IFT122: variants seen among roughly 807,000 people sequenced by gnomAD.
IFT122 encodes the protein intraflagellar transport protein 122 homolog.
A neutral mutation model predicts 161.6 loss-of-function variants in IFT122; 118 were observed. That is an observed-to-expected ratio of 0.73 (90% CI 0.63 to 0.85). The LOEUF is 0.85. Among genes scored for constraint, IFT122 ranks in the 40% least tolerant of loss-of-function variants. IFT122 has a pLI of 0.00. For synonymous variants in IFT122, 550 were observed against 602.4 expected, an observed-to-expected ratio of 0.91 and a Z score of 1.27; for missense variants, 1,381 against 1,579.6, an observed-to-expected ratio of 0.87 and a Z score of 2.13.
At chr3:129,510,059 G>C (rs1033931663) in intron 23 of IFT122, among the ~76,000 whole-genome samples, 1 of 152,142 alleles carries the variant, frequency 6.6e-6, no homozygotes, top group African/African-American at 2.4e-5. Context: ...CTCCAGCTGG[G>C]CATCTAGCAT....
intron 1 of IFT122, among the ~76,000 whole-genome samples, chr3:129,447,080 T>C (rs773056789): frequency 1.3e-5 from 2 of 152,216 alleles, no homozygotes; most frequent in Non-Finnish European, 2.9e-5. Flanking sequence ...ATCTTGCACA[T>C]AGCCAGATGT....
At chr3:129,477,851 G>A (rs1421703301) in intron 11 of IFT122, among the ~76,000 whole-genome samples, 165 bp from the exon 12 acceptor site, 2 of 152,202 alleles carry the variant, frequency 1.3e-5, no homozygotes, top group Admixed American at 6.5e-5. Context: ...GGATCCCAGG[G>A]TTCAGCAGAG....
chr3:129,480,318 G>A (rs369696278), intron 13 of IFT122, among the ~76,000 whole-genome samples: 1 of 152,316 alleles, frequency 6.6e-6, no homozygotes, highest in South Asian at 2.1e-4. Context: ...TCCAGCATGT[G>A]TCCTAAAGAA....
At chr3:129,477,985 T>A in intron 11 of IFT122, 31 bp from the exon 12 acceptor site, 1 of 1,588,888 alleles carries the variant, frequency 6.3e-7, no homozygotes, top group Non-Finnish European at 8.6e-7. Flanking sequence ...AACAACCTCT[T>A]GCTAGAACTA....
chr3:129,461,268 A>G lies in IFT122; in HGVS notation c.313A>G (p.Thr105Ala), dbSNP rs779549926. 17 of 1,613,604 alleles carry G rather than the reference A, an allele frequency of 1.1e-5. No homozygotes were observed. Among genetic ancestry groups the G allele is most frequent in the Non-Finnish European group, 1.4e-5 (17 of 1,179,636 alleles). ...ACAATGTGTCTCCTACAATCCTATT[A>G]CTCATCAACTGGCATCTTGTTCCTC... Reference protein sequence around the residue: ...AIQCVSYNPITHQLASCSSSD... With the variant: ...AIQCVSYNPIAHQLASCSSSD... The change falls in exon 5 of 30, where the codon ACT (threonine) becomes GCT (alanine). Residue 105 changes from threonine (T) to alanine (A), a missense_variant. Physicochemically the swap from Thr to Ala is moderately conservative, Grantham distance 58. Around this residue, in one of 7 missense-constraint regions of IFT122, gnomAD observed 134 missense variants for 137.4 expected, o/e 0.98. Coordinates refer to ENST00000348417, the MANE Select transcript of IFT122 (RefSeq NM_052989.3).
intron 13 of IFT122, 73 bp downstream of exon 13, chr3:129,479,995 C>T (rs1202299565): frequency 7.6e-6 from 12 of 1,578,244 alleles, no homozygotes; most frequent in South Asian, 5.6e-5. Flanking sequence ...CTAGCAATGA[C>T]TCTGAGCTGG....
intron 18 of IFT122, among the ~76,000 whole-genome samples, chr3:129,496,100 C>T (rs555001895): frequency 1.2e-3 from 183 of 152,304 alleles, no homozygotes; most frequent in African/African-American, 4.1e-3. Flanking sequence ...GCAGAGCCTC[C>T]GCCCTCCCAT....
At chr3:129,454,554 T>TGTGTGTGTGC (rs1263418566) in intron 3 of IFT122, among the ~76,000 whole-genome samples, 16 of 150,098 alleles carry the variant, frequency 1.1e-4, no homozygotes, top group Admixed American at 3.3e-4. Context: ...TGTGTGTGTG[T>TGTGTGTGTGC]GTGCATGTTT....
chr3:129,467,116 C>T (rs1367364407), intron 8 of IFT122, 50 bp downstream of exon 8: 1 of 1,555,216 alleles, frequency 6.4e-7, no homozygotes, highest in East Asian at 2.3e-5. Flanking sequence ...GCCCAGGCCC[C>T]ACACAGACTT....
chr3:129,504,192 G>T (rs2081947715), intron 20 of IFT122, 127 bp from the exon 21 acceptor site: 2 of 766,012 alleles, frequency 2.6e-6, no homozygotes, highest in Non-Finnish European at 4.5e-6. Flanking sequence ...TTTGGGGGAG[G>T]CACTCTCCCC....
chr3:129,463,470 AGTT>A lies in IFT122; in HGVS notation c.350-84_350-82del, dbSNP rs376318080. 633 of 1,003,416 alleles carry A rather than the reference AGTT, an allele frequency of 6.3e-4. 3 individuals carry two copies. Among genetic ancestry groups the A allele is most frequent in the Middle Eastern group, 4.7e-3 (23 of 4,876 alleles). 62.2% of individuals were successfully genotyped at this position (1,003,416 alleles called of 1,614,324 possible). ...GCATAAAATCCTGGAGATCCATCTA[AGTT>A]GTTGTATGTTTCAATTATTTGTTCC... On this transcript the variant is annotated intron_variant, in intron 5 of 29. Coordinates refer to ENST00000348417, the MANE Select transcript of IFT122 (RefSeq NM_052989.3).
At chr3:129,501,221 C>T (rs1449211528) in intron 19 of IFT122, among the ~76,000 whole-genome samples, 1 of 152,152 alleles carries the variant, frequency 6.6e-6, no homozygotes, top group Non-Finnish European at 1.5e-5. Context: ...CGTGCACATG[C>T]TGCTGCGGTA....
chr3:129,475,327 C>G (rs973852955), intron 9 of IFT122, among the ~76,000 whole-genome samples: 2 of 152,046 alleles, frequency 1.3e-5, no homozygotes, highest in African/African-American at 4.8e-5. Context: ...TGTAGCAGTT[C>G]CTAAAAAAGG....
intron 15 of IFT122, among the ~76,000 whole-genome samples, chr3:129,484,555 A>G (rs938471366): frequency 5.3e-5 from 8 of 152,192 alleles, no homozygotes; most frequent in South Asian, 2.1e-4. Context: ...ACGTATTGCT[A>G]CCTATAGATG....
intron 16 of IFT122, among the ~76,000 whole-genome samples, chr3:129,489,464 T>C (rs990641693): frequency 6.6e-6 from 1 of 152,222 alleles, no homozygotes; most frequent in Admixed American, 6.5e-5. Flanking sequence ...ACAAGGGAAG[T>C]GATCGTTGTG....
intron 7 of IFT122, 120 bp downstream of exon 7, chr3:129,464,901 A>T: frequency 8.8e-7 from 1 of 1,136,082 alleles, no homozygotes; most frequent in Non-Finnish European, 1.3e-6. Context: ...CTGTTTTAGA[A>T]CCTGTCCCAT....
rs748368024 is a variant in IFT122, at chr3:129,469,420, A to G, written c.816+3A>G. 1.9e-6 allele frequency: 3 copies of G among 1,610,686 alleles called. No homozygotes were observed. The highest frequency in any genetic ancestry group is 2.5e-6 in the Non-Finnish European group (3 of 1,176,996). On this transcript the variant is annotated splice_donor_region_variant and intron_variant, in intron 9 of 29. Coordinates refer to ENST00000348417, the MANE Select transcript of IFT122 (RefSeq NM_052989.3). Reference sequence around the variant, plus strand: ...TCTACCAGCTGAGTGGAAAACAGGTATGTAGCCCTGTACAAATCCAATTGC... The same window carrying G: ...TCTACCAGCTGAGTGGAAAACAGGTGTGTAGCCCTGTACAAATCCAATTGC...
chr3:129,447,734 A>G (rs1462833103), intron 1 of IFT122, among the ~76,000 whole-genome samples: 1 of 152,116 alleles, frequency 6.6e-6, no homozygotes, highest in Non-Finnish European at 1.5e-5. Context: ...GCTGGCCTCA[A>G]ACTCCTGACC....
At chr3:129,442,835 A>AG (rs1228734334) in intron 1 of IFT122, among the ~76,000 whole-genome samples, 1 of 152,166 alleles carries the variant, frequency 6.6e-6, no homozygotes, top group Non-Finnish European at 1.5e-5. Context: ...CCTCCTCCCC[A>AG]TCAGGCTTGC....
Sources: allele counts gnomAD v4.1 joint callset (sites outside exome capture counted in the v4.1 genomes callset), GRCh38; gene constraint gnomAD v4.1.1; regional missense constraint gnomAD v4.1.1; transcripts MANE v1.5; gene names NCBI Gene and HGNC (gene_info 2026-07-23, HGNC 2026-07-21).